The following TBXAS1 variants were observed in gnomAD, a reference collection of about 807,000 sequenced individuals.
TBXAS1 encodes the protein thromboxane A synthase 1, also known as thromboxane-A synthase.
TBXAS1 carries 48 observed loss-of-function variants against 60.7 expected under a neutral mutation model. That is an observed-to-expected ratio of 0.79 (90% CI 0.63 to 1.01). The LOEUF (loss-of-function observed/expected upper bound fraction) is 1.01. TBXAS1 is among the 50% of genes least tolerant of loss of function. The pLI, the probability that TBXAS1 is intolerant of heterozygous loss-of-function variation, is 0.00. For synonymous variants in TBXAS1, 287 were observed against 269.7 expected, an observed-to-expected ratio of 1.06 and a Z score of -0.63; for missense variants, 685 against 686.3, an observed-to-expected ratio of 1.00 and a Z score of 0.02.
chr7:139,882,184 G>A lies in TBXAS1; in HGVS notation c.236+6547G>A, dbSNP rs192866551. On this transcript the variant is annotated intron_variant, in intron 3 of 12. Transcript: ENST00000448866. ...GCAGATGGCTATGTGAGACTTCCTGGCCTACCATCATGGATCAAGAACAAC... is the reference window on the plus strand; with the variant it reads ...GCAGATGGCTATGTGAGACTTCCTGACCTACCATCATGGATCAAGAACAAC... Among the ~76,000 whole-genome samples the A allele has an allele frequency of 3.8e-3, 584 of 152,308 alleles. 1 individual carries two copies. The highest frequency in any genetic ancestry group is 6.2e-3 in the Non-Finnish European group (422 of 68,034).
rs375606951 is a variant in TBXAS1, at chr7:139,813,609, G to A, written c.-79-15703G>A. On this transcript the variant is annotated intron_variant, in intron 4 of 16. Transcript: ENST00000336425. ...GTCACCTGTTCTCGGACCTTTGGTT[G>A]GGTCCCTGAATCACATGTAACTGTT... Among the ~76,000 whole-genome samples the A allele has an allele frequency of 2.8e-4, 43 of 152,310 alleles. 2 individuals carry two copies. In the South Asian group the frequency reaches 8.9e-3, roughly 32 times the overall value.
intron 1 of TBXAS1, among the ~76,000 whole-genome samples, chr7:139,864,292 A>G (rs1384071338): frequency 6.6e-6 from 1 of 152,048 alleles, no homozygotes; most frequent in Non-Finnish European, 1.5e-5. Flanking sequence ...ACCAAAACAA[A>G]TGTACGTAAA....
intron 9 of TBXAS1, among the ~76,000 whole-genome samples, chr7:139,988,270 C>T (rs1302092306): frequency 3.3e-5 from 5 of 152,246 alleles, no homozygotes; most frequent in African/African-American, 1.2e-4. Context: ...AGGCCATCAC[C>T]TCTGGCAGTC....
At chr7:139,937,518 G>A (rs1308418673) in intron 5 of TBXAS1, among the ~76,000 whole-genome samples, 1 of 151,934 alleles carries the variant, frequency 6.6e-6, no homozygotes, top group Non-Finnish European at 1.5e-5. Flanking sequence ...CATTTCCATG[G>A]GTAGCTGTTG....
chr7:139,906,807 A>G (rs1397709767), intron 3 of TBXAS1, among the ~76,000 whole-genome samples: 2 of 152,200 alleles, frequency 1.3e-5, no homozygotes, highest in African/African-American at 4.8e-5. Flanking sequence ...AACATTGTAA[A>G]TGGCAATGTG....
intron 1 of TBXAS1, among the ~76,000 whole-genome samples, chr7:139,858,260 G>C (rs911903334): frequency 2.0e-5 from 3 of 152,182 alleles, no homozygotes; most frequent in African/African-American, 7.2e-5. Context: ...TATTGTGCCA[G>C]CTTTGACACC....
intron 1 of TBXAS1, among the ~76,000 whole-genome samples, chr7:139,840,564 C>T (rs565709883): frequency 6.6e-6 from 1 of 152,152 alleles, no homozygotes; most frequent in African/African-American, 2.4e-5. Flanking sequence ...GGTTGGGCAA[C>T]TAGACCCGCT....
chr7:139,960,839 G>T (rs561916093), intron 8 of TBXAS1, among the ~76,000 whole-genome samples: 9 of 152,126 alleles, frequency 5.9e-5, no homozygotes, highest in Admixed American at 1.3e-4. Flanking sequence ...GCAGCTAGCA[G>T]AGTACTTTGC....
At chr7:139,843,414 C>T (rs1799597785) in intron 1 of TBXAS1, among the ~76,000 whole-genome samples, 1 of 152,096 alleles carries the variant, frequency 6.6e-6, no homozygotes, top group Admixed American at 6.5e-5. Flanking sequence ...ATAGTCTCAG[C>T]TCACTGCAAC....
intron 3 of TBXAS1, among the ~76,000 whole-genome samples, chr7:139,908,522 A>G (rs903174808): frequency 6.6e-6 from 1 of 152,296 alleles, no homozygotes; most frequent in East Asian, 1.9e-4. Context: ...GTAAATACAC[A>G]TATATAATTT....
At chr7:139,902,276 C>A (rs951916164) in intron 3 of TBXAS1, among the ~76,000 whole-genome samples, 1 of 151,926 alleles carries the variant, frequency 6.6e-6, no homozygotes, top group African/African-American at 2.4e-5. Flanking sequence ...CCCATCACCA[C>A]CCCCATCCCT....
Position 139,852,919 on chromosome 7 carries a change from A to G in TBXAS1, c.90-19316A>G, listed in dbSNP as rs937864020. Among the ~76,000 whole-genome samples, 17 of 146,820 alleles carry G rather than the reference A, an allele frequency of 1.2e-4. No individual in the cohort carries two copies. The highest frequency in any genetic ancestry group is 4.3e-4 in the African/African-American group (17 of 39,486). ...CAGTACTCAATGCCCCTGTGTACCA[A>G]CCTTGGCTACTCCAATACACACACA... On this transcript the variant is annotated intron_variant, in intron 1 of 12. Transcript: ENST00000448866. This position sits in a 1 kb window ranked among gnomAD's most constrained non-coding sequence, Gnocchi z 4.4.
intron 10 of TBXAS1, among the ~76,000 whole-genome samples, chr7:140,009,441 G>C (rs1814352535): frequency 6.6e-6 from 1 of 152,136 alleles, no homozygotes; most frequent in Admixed American, 6.5e-5. Context: ...AGGTGGAACT[G>C]TAGTGCCCGC....
chr7:139,978,355 C>T (rs930669668), intron 9 of TBXAS1, among the ~76,000 whole-genome samples: 2 of 151,640 alleles, frequency 1.3e-5, no homozygotes, highest in African/African-American at 4.8e-5. Flanking sequence ...ACTAAAAATA[C>T]AACAATTAGC....
chr7:139,802,513 A>C (rs1797747081), intron 4 of TBXAS1, among the ~76,000 whole-genome samples: 1 of 152,076 alleles, frequency 6.6e-6, no homozygotes, highest in African/African-American at 2.4e-5. Context: ...GGCTGTTCGC[A>C]GTGGCTCATG....
chr7:139,821,011 G>C (rs1414649874), intron 4 of TBXAS1, among the ~76,000 whole-genome samples: 4 of 152,162 alleles, frequency 2.6e-5, no homozygotes, highest in Non-Finnish European at 5.9e-5. Flanking sequence ...AGATGCCAAG[G>C]CATTTGTTGA....
chr7:139,822,099 G>A (rs1276287064), intron 4 of TBXAS1, among the ~76,000 whole-genome samples: 2 of 152,188 alleles, frequency 1.3e-5, no homozygotes, highest in Non-Finnish European at 2.9e-5. Context: ...ATGAGAAACC[G>A]AGGCTCAGAG....
At chr7:139,885,795 C>A (rs1173171036) in intron 3 of TBXAS1, among the ~76,000 whole-genome samples, 2 of 152,088 alleles carry the variant, frequency 1.3e-5, no homozygotes, top group Non-Finnish European at 2.9e-5. Context: ...GATTAAAAAC[C>A]AGTTCTAAAT....
intron 9 of TBXAS1, among the ~76,000 whole-genome samples, chr7:139,968,522 T>C (rs993716123): frequency 1.3e-5 from 2 of 152,192 alleles, no homozygotes; most frequent in Admixed American, 1.3e-4. Flanking sequence ...CTTGAACTCC[T>C]GGCCTCAAGT....
Sources: allele counts gnomAD v4.1 joint callset (sites outside exome capture counted in the v4.1 genomes callset), GRCh38; gene constraint gnomAD v4.1.1; non-coding constraint Gnocchi (gnomAD v3.1); transcripts MANE v1.5; gene names NCBI Gene and HGNC (gene_info 2026-07-23, HGNC 2026-07-21).